The following CHMP4B variants were observed in gnomAD, a reference collection of about 807,000 sequenced individuals.
The protein encoded by CHMP4B is charged multivesicular body protein 4B.
In CHMP4B, 1 loss-of-function variant was observed where a neutral mutation model predicts 25.1. That is an observed-to-expected ratio of 0.04 (90% CI 0.01 to 0.19). The LOEUF is 0.19. Ranked by LOEUF, CHMP4B falls within the 10% of genes least tolerant of loss-of-function variation. CHMP4B has a pLI of 1.00. For synonymous variants in CHMP4B, 101 were observed against 115.6 expected (o/e 0.87, Z 0.81); for missense variants, 151 against 289.7 (o/e 0.52, Z 3.48).
chr20:33,839,122 C>T (rs981742357), intron 1 of CHMP4B, among the ~76,000 whole-genome samples: 1 of 152,116 alleles, frequency 6.6e-6, no homozygotes, highest in Admixed American at 6.6e-5. Flanking sequence ...TGGGTTGACA[C>T]AGGAAAAAAG....
chr20:33,820,708 G>A (rs1419347926), intron 1 of CHMP4B, among the ~76,000 whole-genome samples: 1 of 152,126 alleles, frequency 6.6e-6, no homozygotes, highest in South Asian at 2.1e-4. Context: ...ATGTTTTATC[G>A]AATAGTTATT....
At chr20:33,815,519 G>A (rs1374871640) in intron 1 of CHMP4B, among the ~76,000 whole-genome samples, 1 of 152,176 alleles carries the variant, frequency 6.6e-6, no homozygotes, top group African/African-American at 2.4e-5. Flanking sequence ...CAGTAATGAA[G>A]TTGGGAAACA....
intron 4 of CHMP4B, 25 bp downstream of exon 4, chr20:33,852,228 C>T (rs1036100251): frequency 6.2e-7 from 1 of 1,613,820 alleles, no homozygotes; most frequent in African/African-American, 1.3e-5. Context: ...AGTCATGGCA[C>T]ACCGTGAGGT....
intron 1 of CHMP4B, among the ~76,000 whole-genome samples, chr20:33,846,581 G>A (rs1181455584): frequency 6.6e-6 from 1 of 152,248 alleles, no homozygotes; most frequent in African/African-American, 2.4e-5. Context: ...TGCTGCTTTT[G>A]GAGGAGCTGT....
At chr20:33,834,138 T>C (rs1452429475) in intron 1 of CHMP4B, among the ~76,000 whole-genome samples, 3 of 152,224 alleles carry the variant, frequency 2.0e-5, no homozygotes, top group Non-Finnish European at 2.9e-5. Context: ...GTAATCTTTT[T>C]TTCCTGGTCA....
intron 1 of CHMP4B, among the ~76,000 whole-genome samples, chr20:33,846,586 AGCT>A: frequency 6.6e-6 from 1 of 152,200 alleles, no homozygotes; most frequent in South Asian, 2.1e-4. Flanking sequence ...CTTTTGGAGG[AGCT>A]GTGTGCTATA....
intron 1 of CHMP4B, among the ~76,000 whole-genome samples, chr20:33,817,514 T>C (rs2122782102): frequency 6.6e-6 from 1 of 152,170 alleles, no homozygotes; most frequent in South Asian, 2.1e-4. Flanking sequence ...CAGAGTTGGG[T>C]TTGAGTGTGG....
At chr20:33,849,290 C>T (rs1444821770) in intron 2 of CHMP4B, among the ~76,000 whole-genome samples, 1 of 152,202 alleles carries the variant, frequency 6.6e-6, no homozygotes, top group Non-Finnish European at 1.5e-5. Flanking sequence ...AAATGAAGGC[C>T]TCTCTCTTGA....
intron 1 of CHMP4B, among the ~76,000 whole-genome samples, chr20:33,817,475 T>A (rs1568604943): frequency 6.6e-6 from 1 of 152,248 alleles, no homozygotes; most frequent in Non-Finnish European, 1.5e-5. Context: ...TGAGCAGGAC[T>A]GTTTTGCTTG....
rs760068127 is a variant in CHMP4B at position 33,844,907 on chromosome 20, T to C, written c.191-3560T>C. 2.2e-3 allele frequency among the ~76,000 whole-genome samples: 334 copies of C among 152,146 alleles called. 1 individual carries two copies. Among genetic ancestry groups the C allele is most frequent in the African/African-American group, 3.7e-3 (153 of 41,512 alleles). ...CCAAGTGGCTCGGACCACAGGCGCC[T>C]GCCACCACACCCGGCTAATTTTTTT... On this transcript the variant is annotated intron_variant, in intron 1 of 4. Transcript: ENST00000217402.
At chr20:33,835,711 A>G (rs1038895351) in intron 1 of CHMP4B, among the ~76,000 whole-genome samples, 1 of 152,246 alleles carries the variant, frequency 6.6e-6, no homozygotes, top group African/African-American at 2.4e-5. Flanking sequence ...AGGCTGGGGT[A>G]TGTATAAAGA....
chr20:33,836,397 G>A (rs1389027849), intron 1 of CHMP4B, among the ~76,000 whole-genome samples: 1 of 151,758 alleles, frequency 6.6e-6, no homozygotes, highest in African/African-American at 2.4e-5. Context: ...TGTTTATCTA[G>A]TATAGAGCTA....
rs769262650 is a variant in CHMP4B, at chr20:33,852,203, G to A, written c.610G>A (p.Ala204Thr). The part of the protein sequence containing the change: ...VPSIALPSKP[A>T]KKKEEEDDDM... ...CTCTATAGCCCTACCATCAAAACCCGGTGAGTGCTTCTAGAGTCATGGCAC... is the reference window on the plus strand; with the variant it reads ...CTCTATAGCCCTACCATCAAAACCCAGTGAGTGCTTCTAGAGTCATGGCAC... The change falls in exon 4 of 5, where the codon GCC becomes ACC. Residue 204 changes from alanine (A) to threonine (T), a missense_variant and splice_region_variant. Physicochemically the swap from Ala to Thr is moderately conservative, Grantham distance 58. Coordinates refer to ENST00000217402, the MANE Select transcript of CHMP4B (RefSeq NM_176812.5). 4 of 1,614,184 alleles carry A rather than the reference G, an allele frequency of 2.5e-6. No individual in the cohort carries two copies. The highest frequency in any genetic ancestry group is 3.4e-6 in the Non-Finnish European group (4 of 1,180,022).
chr20:33,826,900 C>G (rs1979110207), intron 1 of CHMP4B, among the ~76,000 whole-genome samples: 1 of 152,154 alleles, frequency 6.6e-6, no homozygotes, highest in South Asian at 2.1e-4. Flanking sequence ...CTGGCTAACT[C>G]AGTTAGTTGT....
chr20:33,841,608 G>C (rs182965233), intron 1 of CHMP4B, among the ~76,000 whole-genome samples: 11 of 152,314 alleles, frequency 7.2e-5, no homozygotes, highest in Middle Eastern at 3.4e-3. Context: ...CCCTCACACA[G>C]GGTAGAGAAA....
At chr20:33,829,919 C>T (rs1979192915) in intron 1 of CHMP4B, among the ~76,000 whole-genome samples, 1 of 152,182 alleles carries the variant, frequency 6.6e-6, no homozygotes, top group Admixed American at 6.5e-5. Flanking sequence ...CTCTGCCTGG[C>T]TGAATCTTGT....
At chr20:33,847,723 C>T (rs1403537239) in intron 1 of CHMP4B, among the ~76,000 whole-genome samples, 1 of 152,132 alleles carries the variant, frequency 6.6e-6, no homozygotes, top group Admixed American at 6.5e-5. Flanking sequence ...TTAGTTTGGT[C>T]TTGTTTTCGA....
At chr20:33,812,874 T>G (rs1016919691) in intron 1 of CHMP4B, among the ~76,000 whole-genome samples, 9 of 152,198 alleles carry the variant, frequency 5.9e-5, no homozygotes, top group Non-Finnish European at 1.0e-4. Context: ...AGTCAACAGA[T>G]ATTCTGGAAA....
intron 1 of CHMP4B, among the ~76,000 whole-genome samples, chr20:33,832,214 C>A (rs980990712): frequency 6.6e-6 from 1 of 152,114 alleles, no homozygotes; most frequent in East Asian, 1.9e-4. Flanking sequence ...AGAAGGGGGC[C>A]CTTGTTGGCA....
Sources: gnomAD v4.1 joint callset for allele counts (sites outside exome capture counted in the v4.1 genomes callset) on GRCh38, gnomAD v4.1.1 for gene constraint, MANE v1.5 for transcripts, NCBI Gene and HGNC (gene_info 2026-07-23, HGNC 2026-07-21) for gene names.